The following TRIM16 variants were observed in gnomAD, a reference collection of about 807,000 sequenced individuals.
The protein encoded by TRIM16 is tripartite motif-containing protein 16.
In TRIM16, 33 loss-of-function variants were observed where a neutral mutation model predicts 50.4. The ratio of observed to expected loss-of-function variants is 0.65; its 90% confidence interval spans 0.50 to 0.88. TRIM16 has a LOEUF of 0.88. Among genes scored for constraint, TRIM16 ranks in the 40% least tolerant of loss-of-function variants. TRIM16 has a pLI of 0.00. For synonymous variants in TRIM16, 229 were observed against 270.7 expected, an observed-to-expected ratio of 0.85 and a Z score of 1.51; for missense variants, 581 against 686.8, an observed-to-expected ratio of 0.85 and a Z score of 1.72.
At chr17:15,637,152 C>G (rs1293445158) in intron 8 of TRIM16, among the ~76,000 whole-genome samples, 1 of 143,924 alleles carries the variant, frequency 6.9e-6, no homozygotes, top group African/African-American at 2.6e-5. Flanking sequence ...GGCCAGCCGC[C>G]CCATCCGGGA....
In TRIM16 at chr17:15,629,086, G is replaced by A. The variant is rs148258149; in HGVS notation, c.1224C>T (p.Leu408=). The change falls in exon 12 of 12, where the codon CTC becomes CTT. Residue 408 remains leucine, a synonymous_variant. Coordinates refer to ENST00000649191, the MANE Select transcript of TRIM16 (RefSeq NM_001348119.1). ...GCCGCCAGTGCAGGAACCTGCTGGG[G>A]AGGTCCGGGTAGGGATGCTCCCAGG... The part of the protein sequence containing the change: ...TTPWEHPYPD[L]PSRFLHWRQV... 6.9e-3 allele frequency: 11,172 copies of A among 1,613,948 alleles called. 59 individuals carry two copies. Among genetic ancestry groups the A allele is most frequent in the Non-Finnish European group, 7.8e-3 (9,234 of 1,179,872 alleles).
Position 15,635,042 on chromosome 17 carries a change from CTA to C in TRIM16, c.849+992_849+993del, listed in dbSNP as rs1431169012. On this transcript the variant is annotated intron_variant, in intron 9 of 11. Coordinates refer to ENST00000649191, the MANE Select transcript of TRIM16 (RefSeq NM_001348119.1). ...TCTCTTTTACTCATTCAAAAGTTAACTATGTTGTACTTGTGTAAGGATTATGG... is the reference window on the plus strand; with the variant it reads ...TCTCTTTTACTCATTCAAAAGTTAACTGTTGTACTTGTGTAAGGATTATGG... Among the ~76,000 whole-genome samples the C allele has an allele frequency of 6.1e-5, 9 of 148,642 alleles. 2 individuals carry two copies. The highest frequency in any genetic ancestry group is 1.2e-4 in the Non-Finnish European group (8 of 67,062).
intron 6 of TRIM16, among the ~76,000 whole-genome samples, chr17:15,661,976 A>G (rs1159394136): frequency 6.6e-6 from 1 of 152,168 alleles, no homozygotes; most frequent in Non-Finnish European, 1.5e-5. Context: ...TCCGTTCTAA[A>G]TACCTCCTGG....
chr17:15,666,377 C>T (rs542777884), intron 6 of TRIM16, among the ~76,000 whole-genome samples: 18 of 152,224 alleles, frequency 1.2e-4, no homozygotes, highest in Non-Finnish European at 2.4e-4. Context: ...CCACTGCACC[C>T]ACCCTCAGAG....
chr17:15,629,255 G>C (rs1597595211), intron 11 of TRIM16, 57 bp from the exon 12 acceptor site: 1 of 1,326,968 alleles, frequency 7.5e-7, no homozygotes, highest in East Asian at 2.4e-5. Context: ...GATTCAGACA[G>C]AATGCTTTAA....
At chr17:15,671,402 G>C (rs1202095539) in intron 6 of TRIM16, among the ~76,000 whole-genome samples, 1 of 148,062 alleles carries the variant, frequency 6.8e-6, no homozygotes, top group African/African-American at 2.5e-5. Context: ...TTGGTTTGGG[G>C]GGATATCTTG....
At chr17:15,659,028 G>A (rs957333103) in intron 6 of TRIM16, among the ~76,000 whole-genome samples, 9 of 152,216 alleles carry the variant, frequency 5.9e-5, no homozygotes, top group African/African-American at 1.4e-4. Flanking sequence ...CGGCTCCTCC[G>A]CAAGAAGGAG....
chr17:15,650,448 G>C (rs1987630390), intron 7 of TRIM16, among the ~76,000 whole-genome samples: 2 of 152,182 alleles, frequency 1.3e-5, no homozygotes, highest in Admixed American at 6.5e-5. Context: ...CAGGCTATGA[G>C]CATGATGTTT....
At position 15,652,782 on chromosome 17, in the gene TRIM16, G is replaced by A. The variant is rs73978090; in HGVS notation, c.-337-836C>T. Among the ~76,000 whole-genome samples, 314 of 152,032 alleles carry A rather than the reference G, an allele frequency of 2.1e-3. 1 individual carries two copies. The highest frequency in any genetic ancestry group is 7.2e-3 in the African/African-American group (299 of 41,400). ...AGCCAGGATGCATACTTCTGATGCT[G>A]ACTTTTCCATATCATCTTCCTGAAC... On this transcript the variant is annotated intron_variant, in intron 6 of 11. Transcript: ENST00000649191.
Position 15,651,454 on chromosome 17 carries a change from GCCAAGCTTCT to G in TRIM16, c.146_155del (p.Glu49AlafsTer36), listed in dbSNP as rs1236625290. 1.9e-6 allele frequency: 3 copies of G among 1,611,972 alleles called. No homozygotes were observed. Among genetic ancestry groups the G allele is most frequent in the Non-Finnish European group, 8.5e-7 (1 of 1,178,636 alleles). On this transcript the variant is annotated frameshift_variant, in exon 7 of 12. Transcript: ENST00000649191. LOFTEE classifies it high-confidence loss of function. ...CGCTGTCCTGTTCCTCCGTCTCCCT[GCCAAGCTTCT>G]CCGAGGAGCCCACGTCCTCTTCTTC... is the stretch of plus-strand genomic sequence containing the variant.
chr17:15,662,049 C>T (rs1988262372), intron 6 of TRIM16, among the ~76,000 whole-genome samples: 1 of 152,182 alleles, frequency 6.6e-6, no homozygotes, highest in Non-Finnish European at 1.5e-5. Flanking sequence ...GACATCCATG[C>T]ACTCCAGCTC....
chr17:15,660,935 G>A (rs1008821327), intron 6 of TRIM16, among the ~76,000 whole-genome samples: 86 of 151,504 alleles, frequency 5.7e-4, no homozygotes, highest in Non-Finnish European at 1.0e-3. Flanking sequence ...ACACAGAGGG[G>A]GCTATTGCCT....
chr17:15,658,141 C>T (rs888875095), intron 6 of TRIM16, among the ~76,000 whole-genome samples: 4 of 152,250 alleles, frequency 2.6e-5, no homozygotes, highest in Admixed American at 2.0e-4. Flanking sequence ...CATCTTTCAT[C>T]CTGTTGAGTC....
intron 8 of TRIM16, among the ~76,000 whole-genome samples, chr17:15,641,477 G>T (rs1046518121): frequency 6.7e-6 from 1 of 148,682 alleles, no homozygotes; most frequent in Non-Finnish European, 1.5e-5. Context: ...TACCTCCCCT[G>T]GTCATCATGT....
At chr17:15,637,125 G>T (rs796523752) in intron 8 of TRIM16, among the ~76,000 whole-genome samples, 5 of 142,372 alleles carry the variant, frequency 3.5e-5, no homozygotes, top group Non-Finnish European at 7.7e-5. Flanking sequence ...TGGGGGGGGG[G>T]GGTCAGCCCC....
chr17:15,665,333 C>T (rs1988445410), intron 6 of TRIM16, among the ~76,000 whole-genome samples: 1 of 151,908 alleles, frequency 6.6e-6, no homozygotes, highest in Non-Finnish European at 1.5e-5. Flanking sequence ...CCCAGTGAAA[C>T]CCCATCTCTA....
chr17:15,647,695 G>C (rs1987463651), intron 7 of TRIM16, among the ~76,000 whole-genome samples: 1 of 152,156 alleles, frequency 6.6e-6, no homozygotes, highest in Non-Finnish European at 1.5e-5. Flanking sequence ...GTGCAGCCCA[G>C]CACTTAGCGA....
intron 8 of TRIM16, among the ~76,000 whole-genome samples, chr17:15,641,893 A>G (rs578068996): frequency 6.7e-6 from 1 of 148,646 alleles, no homozygotes; most frequent in South Asian, 2.2e-4. Context: ...CCCAGGCTGG[A>G]GTACAATGGT....
At chr17:15,659,019 G>A (rs1032794088) in intron 6 of TRIM16, 8 of 305,762 alleles carry the variant, frequency 2.6e-5, no homozygotes, top group East Asian at 3.4e-4. Flanking sequence ...TTGTAATGAC[G>A]GCTCCTCCGC....
Sources: allele counts gnomAD v4.1 joint callset (sites outside exome capture counted in the v4.1 genomes callset), GRCh38; gene constraint gnomAD v4.1.1; transcripts MANE v1.5; gene names NCBI Gene and HGNC (gene_info 2026-07-23, HGNC 2026-07-21).